The following DPP6 variants were observed in gnomAD, a reference collection of about 807,000 sequenced individuals.
The protein encoded by DPP6 is A-type potassium channel modulatory protein DPP6.
Under a neutral mutation model 122.6 loss-of-function variants are expected in DPP6, and 69 were observed. The ratio of observed to expected loss-of-function variants is 0.56; its 90% CI spans 0.46 to 0.69. The LOEUF (loss-of-function observed/expected upper bound fraction) is 0.69, where lower values mean the gene tolerates loss of function less well. DPP6 is among the 30% of genes least tolerant of loss of function. The probability of loss-of-function intolerance (pLI) is 0.00; values close to 1 mark genes in which losing one functional copy is unlikely to be tolerated. For synonymous variants in DPP6, 418 were observed against 433.1 expected, an observed-to-expected ratio of 0.97 and a Z score of 0.43; for missense variants, 928 against 1,116.9, an observed-to-expected ratio of 0.83 and a Z score of 2.41.
chr7:154,258,131 G>A lies in DPP6; in HGVS notation c.244-188083G>A, dbSNP rs571407867. ...ATGAGGAGGAGAGGAGAGATGAGGC[G>A]AGGCGAGGGGAGGGGAGGCGAGGGG... On this transcript the variant is annotated intron_variant, in intron 1 of 25. Transcript: ENST00000377770. 2.8e-3 allele frequency among the ~76,000 whole-genome samples: 375 copies of A among 135,552 alleles called. 6 individuals carry two copies. The highest frequency in any genetic ancestry group is 9.1e-3 in the African/African-American group (335 of 36,752). 88.9% of individuals were successfully genotyped at this position (135,552 alleles called of 152,430 possible).
At chr7:154,872,524 C>T (rs1584946835) in intron 18 of DPP6, 100 bp from the exon 19 acceptor site, 1 of 1,494,624 alleles carries the variant, frequency 6.7e-7, no homozygotes, top group Admixed American at 2.1e-5. Context: ...CCTCAGGCCC[C>T]ACCCAGAGCA....
chr7:154,807,138 CAA>C, intron 16 of DPP6, 26 bp downstream of exon 16: 1 of 1,580,196 alleles, frequency 6.3e-7, no homozygotes, highest in Non-Finnish European at 8.6e-7. Flanking sequence ...CCCGTCAGGG[CAA>C]AGAGCCCTGG....
intron 1 of DPP6, among the ~76,000 whole-genome samples, chr7:154,037,399 A>AT (rs1460012965): frequency 6.6e-6 from 1 of 151,306 alleles, no homozygotes; most frequent in Non-Finnish European, 1.5e-5. Context: ...AGTCACATGT[A>AT]TTTTTCAGGG....
intron 7 of DPP6, among the ~76,000 whole-genome samples, chr7:154,695,931 C>A (rs1840190634): frequency 6.6e-6 from 1 of 152,176 alleles, no homozygotes. Context: ...TCCCCGAAAG[C>A]CACAGGTCTC....
chr7:153,794,709 C>A, the DPP6 span, among the ~76,000 whole-genome samples: 90 of 152,078 alleles, frequency 5.9e-4, no homozygotes, highest in South Asian at 0.011. Context: ...CTGTCCCCAC[C>A]CAAATCTCAA....
chr7:154,876,183 A>G (rs1804836588), intron 20 of DPP6, 83 bp downstream of exon 20: 1 of 1,424,300 alleles, frequency 7.0e-7, no homozygotes. Flanking sequence ...CAGTGCGGGA[A>G]TGCTTTTTCT....
intron 1 of DPP6, among the ~76,000 whole-genome samples, chr7:154,276,291 G>C (rs1804123511): frequency 6.6e-6 from 1 of 152,216 alleles, no homozygotes; most frequent in Non-Finnish European, 1.5e-5. Flanking sequence ...AAAAGTGTCA[G>C]ATTCTGAAAT....
In DPP6 at chr7:154,317,232, C is replaced by G. The variant is rs115750084; in HGVS notation, c.244-128982C>G. The stretch of plus-strand genomic sequence containing the variant: ...GGACAGAAAGCCAGGTGTGGTGGCT[C>G]ACGCCTGTAATCACAGCACTTTGGG... On this transcript the variant is annotated intron_variant, in intron 1 of 25. Transcript: ENST00000377770. Among the ~76,000 whole-genome samples, 559 of 152,220 alleles carry G rather than the reference C, an allele frequency of 3.7e-3. 4 individuals carry two copies. Among genetic ancestry groups the G allele is most frequent in the African/African-American group, 0.013 (527 of 41,532 alleles).
At chr7:154,263,939 C>T (rs1803201321) in intron 1 of DPP6, among the ~76,000 whole-genome samples, 1 of 152,108 alleles carries the variant, frequency 6.6e-6, no homozygotes, top group Admixed American at 6.5e-5. Context: ...AATCCACCTG[C>T]CTCAGTCTCC....
intron 16 of DPP6, among the ~76,000 whole-genome samples, chr7:154,811,514 T>C (rs1250998431): frequency 6.6e-6 from 1 of 152,052 alleles, no homozygotes; most frequent in Admixed American, 6.6e-5. Context: ...TTAAAACAAA[T>C]GAGTAGGTAG....
chr7:154,819,394 A>T (rs1015622937), intron 16 of DPP6, among the ~76,000 whole-genome samples: 7 of 152,224 alleles, frequency 4.6e-5, no homozygotes, highest in African/African-American at 1.4e-4. Context: ...CAGCGTGGGC[A>T]ACAAGAGTGA....
chr7:154,831,407 A>T (rs1003618623), intron 16 of DPP6, among the ~76,000 whole-genome samples: 2 of 152,208 alleles, frequency 1.3e-5, no homozygotes, highest in African/African-American at 4.8e-5. Context: ...TAGAAATTTA[A>T]AAAGGGGAAA....
intron 1 of DPP6, among the ~76,000 whole-genome samples, chr7:154,274,472 G>T (rs749406618): frequency 1.3e-5 from 2 of 152,136 alleles, no homozygotes; most frequent in Non-Finnish European, 2.9e-5. Flanking sequence ...ACCCGCCCCT[G>T]CCTGTCAACA....
intron 1 of DPP6, among the ~76,000 whole-genome samples, chr7:154,221,209 C>T (rs1240000101): frequency 1.3e-5 from 2 of 152,170 alleles, no homozygotes; most frequent in Non-Finnish European, 2.9e-5. Context: ...GGTACGACCT[C>T]GGCTCACTGC....
At chr7:154,195,393 T>C (rs1385750334) in intron 1 of DPP6, among the ~76,000 whole-genome samples, 1 of 152,038 alleles carries the variant, frequency 6.6e-6, no homozygotes, top group Admixed American at 6.6e-5. Flanking sequence ...GGCAGCCTGT[T>C]GGGTAAGAAT....
chr7:154,534,805 G>A (rs2130166523), intron 3 of DPP6, among the ~76,000 whole-genome samples: 1 of 152,210 alleles, frequency 6.6e-6, no homozygotes, highest in African/African-American at 2.4e-5. Flanking sequence ...TTGAATTATA[G>A]ATTCAATGTA....
intron 3 of DPP6, among the ~76,000 whole-genome samples, chr7:154,519,881 C>T (rs1413010172): frequency 3.3e-5 from 5 of 152,082 alleles, no homozygotes; most frequent in East Asian, 1.9e-4. Flanking sequence ...ATCTGAGTGC[C>T]GCTGGGGGAG....
intron 6 of DPP6, among the ~76,000 whole-genome samples, chr7:154,668,382 G>C (rs567608824): frequency 6.6e-6 from 1 of 150,406 alleles, no homozygotes; most frequent in Admixed American, 6.7e-5. Flanking sequence ...CACCGCGCCC[G>C]ACTAATTTTT....
intron 7 of DPP6, among the ~76,000 whole-genome samples, chr7:154,713,193 G>A (rs1473049595): frequency 6.6e-6 from 1 of 152,246 alleles, no homozygotes; most frequent in East Asian, 1.9e-4. Context: ...GCGCCCATGG[G>A]GGCAGCTCTG....
Sources: allele counts gnomAD v4.1 joint callset (sites outside exome capture counted in the v4.1 genomes callset), GRCh38; gene constraint gnomAD v4.1.1; transcripts MANE v1.5; gene names NCBI Gene and HGNC (gene_info 2026-07-23, HGNC 2026-07-21).